TMEM97: variants seen among roughly 807,000 people sequenced by gnomAD.
TMEM97 encodes the protein transmembrane protein 97, also known as sigma intracellular receptor 2.
TMEM97 carries 13 observed loss-of-function variants against 18.3 expected under a neutral mutation model. The ratio of observed to expected loss-of-function variants is 0.71; its 90% CI spans 0.46 to 1.13. The LOEUF (loss-of-function observed/expected upper bound fraction) is 1.13, where lower values mean the gene tolerates loss of function less well. Among genes scored for constraint, TMEM97 ranks in the 50% most tolerant of loss-of-function variants. TMEM97 has a pLI of 0.00. For missense variants in TMEM97, 205 were observed against 210.5 expected, an observed-to-expected ratio of 0.97 and a Z score of 0.16; for synonymous variants, 76 against 85.3, an observed-to-expected ratio of 0.89 and a Z score of 0.60.
At chr17:28,319,875 A>G (rs1458776296) in intron 1 of TMEM97, among the ~76,000 whole-genome samples, 2 of 152,188 alleles carry the variant, frequency 1.3e-5, no homozygotes, top group Admixed American at 6.5e-5. Context: ...AGGTTCCAGC[A>G]ACTTCCAGAG....
In TMEM97 at chr17:28,325,526, T is replaced by C; in HGVS notation, c.150T>C (p.Tyr50=). Residue 50 remains tyrosine, a synonymous_variant, in exon 2 of 3, where the codon TAT becomes TAC. Transcript: ENST00000226230. ...PVEFRNLLKW[Y]AKEFKDPLLQ... is the part of the protein sequence containing the mutation. ...AGTTTAGAAACCTGCTGAAGTGGTA[T>C]GCTAAGGAGTTCAAAGACCCACTGC... The C allele has an allele frequency of 4.3e-6, 7 of 1,614,206 alleles. No homozygotes were observed. Among genetic ancestry groups the C allele is most frequent in the East Asian group, 2.2e-5 (1 of 44,886 alleles).
intron 1 of TMEM97, 177 bp downstream of exon 1, chr17:28,319,542 C>T: frequency 1.4e-6 from 1 of 717,800 alleles, no homozygotes; most frequent in Non-Finnish European, 2.1e-6. Flanking sequence ...GGCTTTGTCT[C>T]TATCCCAGCC....
In TMEM97 at chr17:28,319,366, G is replaced by T; in HGVS notation, c.126+1G>T. The T allele has an allele frequency of 6.3e-7, 1 of 1,589,392 alleles. No homozygotes were observed. The highest frequency in any genetic ancestry group is 1.1e-5 in the South Asian group (1 of 89,018). On this transcript the variant is annotated splice_donor_variant, in intron 1 of 2. Coordinates refer to ENST00000226230, the MANE Select transcript of TMEM97 (RefSeq NM_014573.3). LOFTEE classifies it high-confidence loss of function. ...GCCGCGCGAGCTCTACCCAGTCGAG[G>T]TGAGGGGCGCCCCTCTTATCCCGGC...
chr17:28,326,988 T>C lies in TMEM97; in HGVS notation c.*195T>C. ...CATTTTTTTTTTTTTTTTAAGACAG[T>C]CTCACTCTGTTGCCCAGGCTGGAGT... is the stretch of plus-strand genomic sequence containing the variant. On this transcript the variant is annotated 3_prime_UTR_variant, in exon 3 of 3. Coordinates refer to ENST00000226230, the MANE Select transcript of TMEM97 (RefSeq NM_014573.3). 1.6e-6 allele frequency: 1 copy of C among 633,008 alleles called. No homozygotes were observed. The highest frequency in any genetic ancestry group is 2.6e-6 in the Non-Finnish European group (1 of 381,264). The allele number at this position is 633,008 out of a possible 1,614,324, so 39.2% of individuals were successfully genotyped here. A position where few individuals can be genotyped will look rare whatever the true frequency, so the allele number is the denominator to read the frequency against.
At chr17:28,320,699 A>G (rs1313502563) in intron 1 of TMEM97, among the ~76,000 whole-genome samples, 1 of 152,234 alleles carries the variant, frequency 6.6e-6, no homozygotes, top group Non-Finnish European at 1.5e-5. Context: ...CCAGAAGTTC[A>G]CAATGAAATC....
At position 28,328,115 on chromosome 17, in the gene TMEM97, T is replaced by C. The variant is rs1906445983; in HGVS notation, c.*1322T>C. The C allele has an allele frequency of 2.0e-5, 3 of 153,638 alleles. No individual in the cohort carries two copies. Among genetic ancestry groups the C allele is most frequent in the Admixed American group, 1.3e-4 (2 of 15,318 alleles). The allele number at this position is 153,638 out of a possible 1,614,324, so 9.5% of individuals were successfully genotyped here. A position where few individuals can be genotyped will look rare whatever the true frequency, so the allele number is the denominator to read the frequency against. ...CCTTAAAATGATGTTAGACAACAGGTCCCAGTCAGTTCCCTCTATTTTCAC... is the reference window on the plus strand; with the variant it reads ...CCTTAAAATGATGTTAGACAACAGGCCCCAGTCAGTTCCCTCTATTTTCAC... On this transcript the variant is annotated 3_prime_UTR_variant, in exon 3 of 3. Coordinates refer to ENST00000226230, the MANE Select transcript of TMEM97 (RefSeq NM_014573.3).
At chr17:28,325,982 G>A (rs551079422) in intron 2 of TMEM97, 12 of 363,914 alleles carry the variant, frequency 3.3e-5, no homozygotes, top group East Asian at 5.5e-5. Context: ...ATTTCTCTGC[G>A]TTGGATAGTA....
rs536121098 is a variant in TMEM97, at chr17:28,328,010, T to G, written c.*1217T>G. 6.5e-6 allele frequency: 1 copy of G among 152,858 alleles called. No individual in the cohort carries two copies. The highest frequency in any genetic ancestry group is 6.5e-5 in the Admixed American group (1 of 15,310). 9.5% of individuals were successfully genotyped at this position (152,858 alleles called of 1,614,324 possible). On this transcript the variant is annotated 3_prime_UTR_variant, in exon 3 of 3. Transcript: ENST00000226230. ...GGTGGCTACAGCCAGGCATAACATA[T>G]CCACTGTGTGCATAGAGGGTCTCTT...
intron 1 of TMEM97, among the ~76,000 whole-genome samples, chr17:28,323,778 C>T (rs1906236410): frequency 6.6e-6 from 1 of 152,154 alleles, no homozygotes; most frequent in South Asian, 2.1e-4. Context: ...GAGGCTGAAG[C>T]GAGGATCGCT....
At position 28,326,808 on chromosome 17, in the gene TMEM97, G is replaced by A. The variant is rs1450282722; in HGVS notation, c.*15G>A. 3 of 1,606,490 alleles carry A rather than the reference G, an allele frequency of 1.9e-6. No individual in the cohort carries two copies. The highest frequency in any genetic ancestry group is 2.5e-6 in the Non-Finnish European group (3 of 1,179,100). On this transcript the variant is annotated 3_prime_UTR_variant, in exon 3 of 3. Transcript: ENST00000226230. ...AAAAAAAATGAAGGAAACAACCACT[G>A]GCCCAGGGTAGAGATGCCTACAGGG...
rs202146597 is a variant in TMEM97 at position 28,320,076 on chromosome 17, TGAG to T, written c.126+713_126+715del. Among the ~76,000 whole-genome samples, 1,380 of 152,332 alleles carry T rather than the reference TGAG, an allele frequency of 9.1e-3. 19 individuals carry two copies. Among genetic ancestry groups the T allele is most frequent in the African/African-American group, 0.03 (1,254 of 41,566 alleles). ...CTATAGTTTTAGTTTCCCGGTTCGT[TGAG>T]GTTTTTTTCTCGTATCTGGACCCTG... On this transcript the variant is annotated intron_variant, in intron 1 of 2. Transcript: ENST00000226230.
At position 28,319,321 on chromosome 17, in the gene TMEM97, A is replaced by G. The variant is rs2142152883; in HGVS notation, c.82A>G (p.Met28Val). ...FLSHIPITLF[M>V]DLQAVLPREL... ...CAGCCACATCCCCATCACCCTGTTC[A>G]TGGACCTGCAGGCGGTGCTGCCGCG... The change falls in exon 1 of 3, where the codon ATG (methionine) becomes GTG (valine). Residue 28 changes from methionine (M) to valine (V), a missense_variant. Coordinates refer to ENST00000226230, the MANE Select transcript of TMEM97 (RefSeq NM_014573.3). 3 of 1,609,854 alleles carry G rather than the reference A, an allele frequency of 1.9e-6. No individual in the cohort carries two copies. The highest frequency in any genetic ancestry group is 1.7e-5 in the Admixed American group (1 of 59,730).
chr17:28,322,255 T>C (rs1449849192), intron 1 of TMEM97, among the ~76,000 whole-genome samples: 1 of 151,502 alleles, frequency 6.6e-6, no homozygotes, highest in Non-Finnish European at 1.5e-5. Flanking sequence ...TTTTTTTTTT[T>C]GATTTTGTTT....
At chr17:28,325,407 T>G (rs1906290580) in intron 1 of TMEM97, 96 bp from the exon 2 acceptor site, 1 of 1,502,078 alleles carries the variant, frequency 6.7e-7, no homozygotes, top group South Asian at 1.3e-5. Context: ...GGTGGCTAAT[T>G]AATGACAGGC....
chr17:28,325,555 A>G lies in TMEM97; in HGVS notation c.179A>G (p.Gln60Arg). The G allele has an allele frequency of 2.5e-6, 4 of 1,614,240 alleles. No homozygotes were observed. The East Asian group carries it at 8.9e-5, about 36-fold the overall frequency. The change falls in exon 2 of 3, where the codon CAG becomes CGG. Residue 60 changes from glutamine to arginine, a missense_variant. By Grantham distance (43) the Gln-to-Arg change is conservative. Transcript: ENST00000226230. The part of the protein sequence containing the change: ...YAKEFKDPLL[Q>R]EPPAWFKSFL... Reference sequence around the variant, plus strand: ...AAGGAGTTCAAAGACCCACTGCTACAGGAGCCCCCAGCCTGGTTTAAGTCC... The same window carrying G: ...AAGGAGTTCAAAGACCCACTGCTACGGGAGCCCCCAGCCTGGTTTAAGTCC...
chr17:28,324,345 A>G (rs1229211662), intron 1 of TMEM97, among the ~76,000 whole-genome samples: 1 of 152,190 alleles, frequency 6.6e-6, no homozygotes, highest in Non-Finnish European at 1.5e-5. Flanking sequence ...TGCTAACAGG[A>G]TATTTGTTTC....
Position 28,326,661 on chromosome 17 carries a change from A to G in TMEM97, c.399A>G (p.Arg133=). Reference sequence around the variant, plus strand: ...AAGCCAGTGGTTTCAAGGGACAAAGACCTGAGACTTTGCATGAACGGTTAA... The same window carrying G: ...AAGCCAGTGGTTTCAAGGGACAAAGGCCTGAGACTTTGCATGAACGGTTAA... The part of the protein sequence containing the change: ...FSKASGFKGQ[R]PETLHERLTL... The change falls in exon 3 of 3, where the codon AGA becomes AGG. Residue 133 remains arginine, a synonymous_variant. Coordinates refer to ENST00000226230, the MANE Select transcript of TMEM97 (RefSeq NM_014573.3). The G allele has an allele frequency of 6.2e-7, 1 of 1,614,112 alleles. No individual in the cohort carries two copies. Among genetic ancestry groups the G allele is most frequent in the African/African-American group, 1.3e-5 (1 of 75,012 alleles).
intron 1 of TMEM97, among the ~76,000 whole-genome samples, chr17:28,321,657 G>A (rs1906145399): frequency 6.6e-6 from 1 of 152,034 alleles, no homozygotes; most frequent in Non-Finnish European, 1.5e-5. Context: ...GGTCTTCTGG[G>A]CTCAAGCCAT....
chr17:28,319,386 C>T (rs782556950), intron 1 of TMEM97, 21 bp downstream of exon 1: 33 of 1,492,926 alleles, frequency 2.2e-5, no homozygotes, highest in Non-Finnish European at 2.2e-5. Flanking sequence ...CCCCTCTTAT[C>T]CCGGCCCGCT....
Sources: gnomAD v4.1 joint callset for allele counts (sites outside exome capture counted in the v4.1 genomes callset) on GRCh38, gnomAD v4.1.1 for gene constraint, MANE v1.5 for transcripts, NCBI Gene and HGNC (gene_info 2026-07-23, HGNC 2026-07-21) for gene names.